Variants in COPS2 observed in about 807,000 individuals in gnomAD.
The protein encoded by COPS2 is COP9 signalosome subunit 2.
In COPS2, 10 loss-of-function variants were observed where a neutral mutation model predicts 66.1. The ratio of observed to expected loss-of-function variants is 0.15; its 90% confidence interval spans 0.09 to 0.26. COPS2 has a LOEUF of 0.26. COPS2 is among the 10% of genes least tolerant of loss of function. The pLI, the probability that COPS2 is intolerant of heterozygous loss-of-function variation, is 1.00. For missense variants in COPS2, 215 were observed against 513.3 expected (o/e 0.42, Z 5.62); for synonymous variants, 179 against 171.3 (o/e 1.04, Z -0.35).
intron 12 of COPS2, among the ~76,000 whole-genome samples, chr15:49,128,501 C>T (rs551563791): frequency 6.6e-6 from 1 of 152,260 alleles, no homozygotes; most frequent in Admixed American, 6.5e-5. Context: ...TCTGAAAAAT[C>T]ATTTAGAACT....
At chr15:49,132,830 A>G (rs1053052728) in intron 9 of COPS2, among the ~76,000 whole-genome samples, 2 of 151,942 alleles carry the variant, frequency 1.3e-5, no homozygotes, top group Non-Finnish European at 2.9e-5. Flanking sequence ...CTTATCTTCC[A>G]TAATTTTGTC....
In COPS2 at chr15:49,144,312, G is replaced by A. The variant is rs749900576; in HGVS notation, c.169-8C>T. The A allele has an allele frequency of 3.2e-6, 5 of 1,565,022 alleles. No homozygotes were observed. The highest frequency in any genetic ancestry group is 2.2e-5 in the South Asian group (2 of 89,014). On this transcript the variant is annotated splice_polypyrimidine_tract_variant and splice_region_variant and intron_variant, in intron 2 of 12. Coordinates refer to ENST00000388901, the MANE Select transcript of COPS2 (RefSeq NM_004236.4). ...ACCTTCAAGTTCCAAAACCTAAAAA[G>A]AGGAAGAAATTTTTAGTTTATCTTA...
chr15:49,151,348 C>T (rs545513485), intron 1 of COPS2, among the ~76,000 whole-genome samples: 12 of 149,678 alleles, frequency 8.0e-5, no homozygotes, highest in African/African-American at 3.0e-4. Flanking sequence ...TGCAGTGAGC[C>T]GAGATCATGC....
chr15:49,125,346 T>TCTA lies in COPS2; in HGVS notation c.*2603_*2604insTAG, dbSNP rs2084156974. 1.3e-5 allele frequency: 2 copies of TCTA among 152,110 alleles called. No homozygotes were observed. The highest frequency in any genetic ancestry group is 1.3e-4 in the Admixed American group (2 of 15,274). 9.4% of individuals were successfully genotyped at this position (152,110 alleles called of 1,614,324 possible). A position where few individuals can be genotyped will look rare whatever the true frequency, so the allele number is the denominator to read the frequency against. On this transcript the variant is annotated 3_prime_UTR_variant, in exon 13 of 13. Transcript: ENST00000388901. ...CAAGAGTGAGTAATGGAAATCCAGCTCTTGTAGTAGAGAGCATCTACTTGT... is the reference window on the plus strand; with the variant it reads ...CAAGAGTGAGTAATGGAAATCCAGCTCTACTTGTAGTAGAGAGCATCTACTTGT...
intron 1 of COPS2, among the ~76,000 whole-genome samples, chr15:49,154,551 C>G (rs2084396149): frequency 6.6e-6 from 1 of 152,124 alleles, no homozygotes; most frequent in Non-Finnish European, 1.5e-5. Flanking sequence ...CCCAAAACAT[C>G]TATTTCGTAA....
At chr15:49,132,682 A>T (rs920088437) in intron 9 of COPS2, among the ~76,000 whole-genome samples, 27 of 151,922 alleles carry the variant, frequency 1.8e-4, no homozygotes, top group African/African-American at 6.5e-4. Flanking sequence ...GAAATTTAGT[A>T]AATTTCTTAT....
intron 11 of COPS2, 131 bp from the exon 12 acceptor site, chr15:49,128,891 T>G: frequency 1.7e-6 from 1 of 594,102 alleles, no homozygotes. Context: ...TAAACATATT[T>G]CATTATCACT....
chr15:49,141,076 G>T (rs2084286940), intron 3 of COPS2, among the ~76,000 whole-genome samples: 1 of 152,018 alleles, frequency 6.6e-6, no homozygotes. Context: ...GTAAATGATA[G>T]GTGACATCCT....
chr15:49,139,944 C>T (rs905623404), intron 3 of COPS2, among the ~76,000 whole-genome samples: 9 of 152,112 alleles, frequency 5.9e-5, no homozygotes, highest in Admixed American at 2.6e-4. Flanking sequence ...AATCATAAAA[C>T]CTACTACAAT....
chr15:49,128,119 T>C (rs1205062097), intron 12 of COPS2, 25 bp from the exon 13 acceptor site: 1 of 1,605,558 alleles, frequency 6.2e-7, no homozygotes, highest in Non-Finnish European at 8.5e-7. Context: ...ATAAGATGTG[T>C]CTACAAAAGA....
intron 6 of COPS2, among the ~76,000 whole-genome samples, chr15:49,136,365 T>C (rs1476242518): frequency 1.3e-5 from 2 of 152,170 alleles, no homozygotes; most frequent in African/African-American, 2.4e-5. Flanking sequence ...GTCCTGACCA[T>C]ATGGCTTTTC....
At chr15:49,133,883 A>C (rs2084233681) in intron 8 of COPS2, 47 bp downstream of exon 8, 1 of 1,554,934 alleles carries the variant, frequency 6.4e-7, no homozygotes, top group Admixed American at 2.0e-5. Context: ...AATAACATTT[A>C]TTTCCAGATA....
chr15:49,141,795 G>T (rs1161097788), intron 3 of COPS2, among the ~76,000 whole-genome samples: 1 of 152,096 alleles, frequency 6.6e-6, no homozygotes, highest in African/African-American at 2.4e-5. Flanking sequence ...GGTAGATAAG[G>T]TAAACAAAAT....
At position 49,147,719 on chromosome 15, in the gene COPS2, C is replaced by T. The variant is rs186043347; in HGVS notation, c.55-2641G>A. 2.1e-4 allele frequency among the ~76,000 whole-genome samples: 17 copies of T among 81,658 alleles called. No homozygotes were observed. In the Admixed American group the frequency reaches 2.4e-3, roughly 11 times the overall value. 53.6% of individuals were successfully genotyped at this position (81,658 alleles called of 152,430 possible). On this transcript the variant is annotated intron_variant, in intron 1 of 12. Transcript: ENST00000388901. ...AGAGATTTCTAAACTTTAGATGTTACAACTCCAAAAAAAAAAAAAAAAAAA... is the reference window on the plus strand; with the variant it reads ...AGAGATTTCTAAACTTTAGATGTTATAACTCCAAAAAAAAAAAAAAAAAAA...
At position 49,133,636 on chromosome 15, in the gene COPS2, C is replaced by CT. The variant is rs1465354853; in HGVS notation, c.947+122dup. On this transcript the variant is annotated intron_variant, in intron 9 of 12. Transcript: ENST00000388901. ...CCTCAGAAGATAAAAATTCTACAAA[C>CT]TTTTCTAAGAAAATACAAAAGGGCA... The CT allele has an allele frequency of 1.3e-5, 8 of 629,240 alleles. No individual in the cohort carries two copies. The East Asian group carries it at 2.4e-4, about 19-fold the overall frequency. 39.0% of individuals were successfully genotyped at this position (629,240 alleles called of 1,614,324 possible).
chr15:49,133,793 C>T lies in COPS2; in HGVS notation c.913G>A (p.Asp305Asn), dbSNP rs1307746794. 6.2e-7 allele frequency: 1 copy of T among 1,602,256 alleles called. No individual in the cohort carries two copies. The highest frequency in any genetic ancestry group is 8.5e-7 in the Non-Finnish European group (1 of 1,175,996). Residue 305 changes from aspartate to asparagine, a missense_variant, in exon 9 of 13, where the codon GAT becomes AAT. By Grantham distance (23) the Asp-to-Asn change is conservative. Around this residue, in one of 5 missense-constraint regions of COPS2, gnomAD observed 56 missense variants for 173.6 expected, o/e 0.32. Coordinates refer to ENST00000388901, the MANE Select transcript of COPS2 (RefSeq NM_004236.4). ...DSQEAKPYKN[D>N]PEILAMTNLV... Reference sequence around the variant, plus strand: ...TTCGTCATTGCTAAAATTTCTGGATCATTTTTGTACGGCTTGGCCTAAACA... The same window carrying T: ...TTCGTCATTGCTAAAATTTCTGGATTATTTTTGTACGGCTTGGCCTAAACA...
chr15:49,152,901 A>C (rs2084372594), intron 1 of COPS2, among the ~76,000 whole-genome samples: 1 of 152,346 alleles, frequency 6.6e-6, no homozygotes, highest in South Asian at 2.1e-4. Flanking sequence ...GGCTGGGAAA[A>C]TATGACCAAG....
rs151074018 is a variant in COPS2, at chr15:49,155,584, C to T, written c.-6G>A. 1 of 1,614,064 alleles carries T rather than the reference C, an allele frequency of 6.2e-7. No homozygotes were observed. The highest frequency in any genetic ancestry group is 1.3e-5 in the African/African-American group (1 of 75,056). ...TCATCCTCCATGTCAGACATCTTGG[C>T]CGGGAGGGGGAGGAGAAATTGGAGA... On this transcript the variant is annotated 5_prime_UTR_variant, in exon 1 of 13. Coordinates refer to ENST00000388901, the MANE Select transcript of COPS2 (RefSeq NM_004236.4).
intron 6 of COPS2, among the ~76,000 whole-genome samples, chr15:49,136,608 AG>A: frequency 6.6e-6 from 1 of 152,178 alleles, no homozygotes; most frequent in Non-Finnish European, 1.5e-5. Flanking sequence ...CTGTTTTCAC[AG>A]GGTATATAAC....
Sources: gnomAD v4.1 joint callset for allele counts (sites outside exome capture counted in the v4.1 genomes callset) on GRCh38, gnomAD v4.1.1 for gene constraint, gnomAD v4.1.1 regional missense constraint, MANE v1.5 for transcripts, NCBI Gene and HGNC (gene_info 2026-07-23, HGNC 2026-07-21) for gene names.